The following CCNG1 variants were observed in gnomAD, a reference collection of about 807,000 sequenced individuals.
CCNG1 encodes the protein cyclin G1.
In CCNG1, 13 loss-of-function variants were observed where a neutral mutation model predicts 30.0. The observed-to-expected ratio is 0.43, with a 90% CI of 0.28 to 0.69. The LOEUF (loss-of-function observed/expected upper bound fraction) is 0.69, where lower values mean the gene tolerates loss of function less well. Among genes scored for constraint, CCNG1 ranks in the 30% least tolerant of loss-of-function variants. The probability of loss-of-function intolerance (pLI) is 0.16; values close to 1 mark genes in which losing one functional copy is unlikely to be tolerated. For synonymous variants in CCNG1, 110 were observed against 121.5 expected, an observed-to-expected ratio of 0.91 and a Z score of 0.62; for missense variants, 285 against 331.4, an observed-to-expected ratio of 0.86 and a Z score of 1.09.
At chr5:163,455,681 G>A in the CCNG1 span, among the ~76,000 whole-genome samples, 4 of 151,242 alleles carry the variant, frequency 2.6e-5, no homozygotes, top group Non-Finnish European at 4.4e-5. Flanking sequence ...GGAGACTGGC[G>A]GGAATCCGGG....
intron 6 of CCNG1, among the ~76,000 whole-genome samples, chr5:163,443,192 G>A (rs527314867): frequency 2.6e-5 from 4 of 152,040 alleles, no homozygotes; most frequent in African/African-American, 7.2e-5. Flanking sequence ...GGCGCCTGTA[G>A]TCCCAGCTAC....
At chr5:163,452,516 GAATAA>G in the CCNG1 span, 1 of 152,006 alleles carries the variant, frequency 6.6e-6, no homozygotes, top group Non-Finnish European at 1.5e-5. Flanking sequence ...TTAACCTGCT[GAATAA>G]AATAGAAAAT....
At chr5:163,454,879 C>CTTAA in the CCNG1 span, among the ~76,000 whole-genome samples, 3 of 152,078 alleles carry the variant, frequency 2.0e-5, no homozygotes, top group Non-Finnish European at 4.4e-5. Flanking sequence ...TCTAGTGGAA[C>CTTAA]TTAACATTCT....
the CCNG1 span, among the ~76,000 whole-genome samples, chr5:163,454,753 T>C: frequency 5.3e-5 from 8 of 152,248 alleles, no homozygotes; most frequent in Non-Finnish European, 1.0e-4. Context: ...TGTCAGGCCT[T>C]AGTCTTTTTG....
intron 3 of CCNG1, 127 bp downstream of exon 3, chr5:163,441,458 G>C: frequency 1.2e-6 from 1 of 803,644 alleles, no homozygotes; most frequent in South Asian, 2.1e-5. Flanking sequence ...GTGGCTCCTT[G>C]AACTTTAATG....
chr5:163,440,532 T>C (rs1201958848), intron 2 of CCNG1, among the ~76,000 whole-genome samples: 1 of 152,208 alleles, frequency 6.6e-6, no homozygotes, highest in Admixed American at 6.5e-5. Flanking sequence ...GGATAAAGTT[T>C]TGACTGTGTC....
rs370627555 is a variant in CCNG1, at chr5:163,442,050, T to C, written c.603T>C (p.Ser201=). ...TTTAAATTTATCTCTTTTAGCCTTC[T>C]GTGTTGGCATTGTCTATCATTGCAT... ...CRIIFSKAKP[S]VLALSIIALE... Residue 201 remains serine, a synonymous_variant, in exon 5 of 7, where the codon TCT becomes TCC. Coordinates refer to ENST00000340828, the MANE Select transcript of CCNG1 (RefSeq NM_004060.4). The C allele has an allele frequency of 6.2e-7, 1 of 1,610,850 alleles. No individual in the cohort carries two copies. The highest frequency in any genetic ancestry group is 8.5e-7 in the Non-Finnish European group (1 of 1,177,580).
downstream of CCNG1, chr5:163,449,155 A>C (rs1167473824): frequency 6.6e-6 from 1 of 152,216 alleles, no homozygotes; most frequent in East Asian, 1.9e-4. Context: ...TATGTAGAAA[A>C]CTTAATGAGT....
the CCNG1 span, among the ~76,000 whole-genome samples, chr5:163,454,288 T>C: frequency 4.3e-4 from 66 of 152,202 alleles, no homozygotes; most frequent in Non-Finnish European, 5.7e-4. Context: ...TGGGGAAACA[T>C]ATACTTCAAT....
Position 163,441,953 on chromosome 5 carries a change from TC to T in CCNG1, c.587del (p.Ser196LeufsTer15). 1.2e-6 allele frequency: 2 copies of T among 1,607,378 alleles called. No individual in the cohort carries two copies. Among genetic ancestry groups the T allele is most frequent in the Non-Finnish European group, 1.7e-6 (2 of 1,174,164 alleles). On this transcript the variant is annotated frameshift_variant, in exon 4 of 7. Coordinates refer to ENST00000340828, the MANE Select transcript of CCNG1 (RefSeq NM_004060.4). LOFTEE classifies it high-confidence loss of function. Reference sequence around the variant, plus strand: ...GGCATGTCATTGCAGGATCATATTTTCTAAAGCAAAGGTAAATATTTTATAA... The same window carrying T: ...GGCATGTCATTGCAGGATCATATTTTTAAAGCAAAGGTAAATATTTTATAA... ...LKACHCRIIF[S>X]KAKPSVLALS... is the part of the protein sequence containing the mutation.
downstream of CCNG1, chr5:163,448,470 T>C (rs1758098846): frequency 6.6e-6 from 1 of 152,108 alleles, no homozygotes; most frequent in Non-Finnish European, 1.5e-5. Context: ...AGGCATACAG[T>C]ACCCAAACTT....
chr5:163,456,956 C>T, the CCNG1 span: 8 of 1,610,674 alleles, frequency 5.0e-6, no homozygotes, highest in Non-Finnish European at 6.8e-6. Context: ...CTAATGTAAG[C>T]TTTCTCTGCA....
chr5:163,457,157 A>G, the CCNG1 span: 4 of 1,289,788 alleles, frequency 3.1e-6, no homozygotes, highest in East Asian at 1.1e-4. Flanking sequence ...TTTTTTTGAG[A>G]CAGTATCACT....
Position 163,441,908 on chromosome 5 carries a change from A to G in CCNG1, c.541A>G (p.Arg181Gly). The change falls in exon 4 of 7, where the codon AGA (arginine) becomes GGA (glycine). Residue 181 changes from arginine to glycine, a missense_variant. Physicochemically the swap from Arg to Gly is moderately radical, Grantham distance 125. Coordinates refer to ENST00000340828, the MANE Select transcript of CCNG1 (RefSeq NM_004060.4). ...LERRNSINFERLEAQLKACHC... is the reference protein window; with the variant it reads ...LERRNSINFEGLEAQLKACHC... ...AAGGAGAAATAGCATTAATTTTGAA[A>G]GACTAGAAGCTCAACTGAAGGCATG... is the stretch of plus-strand genomic sequence containing the variant. The G allele has an allele frequency of 1.2e-6, 2 of 1,605,718 alleles. No homozygotes were observed. Among genetic ancestry groups the G allele is most frequent in the Non-Finnish European group, 1.7e-6 (2 of 1,173,024 alleles).
intron 6 of CCNG1, among the ~76,000 whole-genome samples, 200 bp downstream of exon 6, chr5:163,442,768 T>C (rs1561619543): frequency 6.6e-6 from 1 of 152,142 alleles, no homozygotes. Context: ...AGTAAGGAAT[T>C]ATCCAACCTC....
Position 163,442,561 on chromosome 5 carries a change from C to T in CCNG1, c.884C>T (p.Pro295Leu). The stretch of plus-strand genomic sequence containing the variant: ...CTTCCAACAATTCCTGAAATGGTCC[C>T]TTAACTGGTAAATTTGGTCCGTTAT... ...THLPTIPEMV[P>L] Residue 295 changes from proline to leucine, a missense_variant, in exon 6 of 7, where the codon CCT becomes CTT. Pro to Leu is a moderately conservative substitution (Grantham distance 98). Coordinates refer to ENST00000340828, the MANE Select transcript of CCNG1 (RefSeq NM_004060.4). 1 of 1,597,496 alleles carries T rather than the reference C, an allele frequency of 6.3e-7. No homozygotes were observed. Among genetic ancestry groups the T allele is most frequent in the Non-Finnish European group, 8.5e-7 (1 of 1,172,314 alleles).
intron 1 of CCNG1, among the ~76,000 whole-genome samples, chr5:163,438,433 CATT>C (rs1757604361): frequency 6.6e-6 from 1 of 152,188 alleles, no homozygotes; most frequent in South Asian, 2.1e-4. Context: ...AGCTCAAGCT[CATT>C]ATTATTGTTC....
chr5:163,449,616 T>C (rs1163563235), downstream of CCNG1: 1 of 152,186 alleles, frequency 6.6e-6, no homozygotes, highest in African/African-American at 2.4e-5. Flanking sequence ...AAAACAATTT[T>C]GAAAAAGATT....
In CCNG1 at chr5:163,441,258, G is replaced by C. The variant is rs1200337084; in HGVS notation, c.445G>C (p.Val149Leu). Residue 149 changes from valine (V) to leucine (L), a missense_variant, in exon 3 of 7, where the codon GTC becomes CTC. Physicochemically the swap from Val to Leu is conservative, Grantham distance 32. Transcript: ENST00000340828. Reference sequence around the variant, plus strand: ...TGTATTGGAGAAGGTGTGTTGGAAAGTCAAAGCTACTACTGCCTTTCAATT... The same window carrying C: ...TGTATTGGAGAAGGTGTGTTGGAAACTCAAAGCTACTACTGCCTTTCAATT... ...KIVLEKVCWK[V>L]KATTAFQFLQ... The C allele has an allele frequency of 6.2e-7, 1 of 1,613,912 alleles. No homozygotes were observed. The highest frequency in any genetic ancestry group is 1.3e-5 in the African/African-American group (1 of 74,926).
Sources: gnomAD v4.1 joint callset for allele counts (sites outside exome capture counted in the v4.1 genomes callset) on GRCh38, gnomAD v4.1.1 for gene constraint, MANE v1.5 for transcripts, NCBI Gene and HGNC (gene_info 2026-07-23, HGNC 2026-07-21) for gene names.